PCDH15: variants seen among roughly 807,000 people sequenced by gnomAD.
The protein encoded by PCDH15 is protocadherin related 15, also known as protocadherin-15.
PCDH15 carries 129 observed loss-of-function variants against 178.5 expected under a neutral mutation model. That is an observed-to-expected ratio of 0.72 (90% CI 0.63 to 0.84). The LOEUF (loss-of-function observed/expected upper bound fraction) is 0.84, where lower values mean the gene tolerates loss of function less well. Ranked by LOEUF, PCDH15 falls within the 40% of genes least tolerant of loss-of-function variation. The pLI is 0.00. For missense variants in PCDH15, 2,230 were observed against 2,099.9 expected (o/e 1.06, Z -1.21); for synonymous variants, 800 against 732.0 (o/e 1.09, Z -1.50).
intron 14 of PCDH15, among the ~76,000 whole-genome samples, chr10:54,144,977 A>C (rs1329310996): frequency 1.3e-5 from 2 of 152,100 alleles, no homozygotes; most frequent in Non-Finnish European, 1.5e-5. Flanking sequence ...TGAATATAAA[A>C]CATTTTTGGT....
intron 2 of PCDH15, among the ~76,000 whole-genome samples, chr10:55,112,469 C>T (rs1837533627): frequency 2.0e-5 from 3 of 151,984 alleles, no homozygotes; most frequent in Non-Finnish European, 4.4e-5. Context: ...AAGTTGAATA[C>T]AGGGCAGAAT....
At chr10:54,992,808 T>C (rs903856719) in intron 2 of PCDH15, among the ~76,000 whole-genome samples, 2 of 151,716 alleles carry the variant, frequency 1.3e-5, no homozygotes, top group Admixed American at 6.6e-5. Flanking sequence ...AAATAATAGA[T>C]GGAGAGATTT....
chr10:55,070,629 T>C (rs1427740084), intron 2 of PCDH15, among the ~76,000 whole-genome samples: 1 of 152,280 alleles, frequency 6.6e-6, no homozygotes, highest in East Asian at 1.9e-4. Context: ...TTCTGTTCCA[T>C]TGATCTATAT....
At chr10:55,584,730 C>A in intron 2 of PCDH15, among the ~76,000 whole-genome samples, 1 of 145,744 alleles carries the variant, frequency 6.9e-6, no homozygotes, top group African/African-American at 2.5e-5. Flanking sequence ...AAAATAGATA[C>A]AAGTATGTAG....
chr10:54,200,436 C>G (rs1033333362), intron 10 of PCDH15, among the ~76,000 whole-genome samples: 1 of 151,944 alleles, frequency 6.6e-6, no homozygotes, highest in Non-Finnish European at 1.5e-5. Context: ...CCCCCACCCT[C>G]GACAGGCCCC....
intron 2 of PCDH15, among the ~76,000 whole-genome samples, chr10:55,419,284 G>A (rs1300006038): frequency 6.6e-6 from 1 of 151,788 alleles, no homozygotes; most frequent in East Asian, 1.9e-4. Flanking sequence ...TTCTATGTGG[G>A]ATAATACCAT....
chr10:55,191,760 C>A (rs1001225189), intron 1 of PCDH15, among the ~76,000 whole-genome samples: 13 of 151,828 alleles, frequency 8.6e-5, no homozygotes, highest in African/African-American at 3.1e-4. Context: ...CTTATCTAGT[C>A]AATGGCCAAC....
intron 8 of PCDH15, among the ~76,000 whole-genome samples, chr10:54,284,792 T>C (rs1222812374): frequency 6.6e-6 from 1 of 152,172 alleles, no homozygotes; most frequent in Non-Finnish European, 1.5e-5. Context: ...TGAAGCATTA[T>C]CTAAGACCCT....
chr10:53,822,700 T>C, intron 32 of PCDH15: 1 of 1,614,068 alleles, frequency 6.2e-7, no homozygotes, highest in Middle Eastern at 1.6e-4. Flanking sequence ...CTTGAAACAG[T>C]TGGCAAAGTG....
At chr10:54,603,073 C>T (rs2092607978) in intron 2 of PCDH15, among the ~76,000 whole-genome samples, 1 of 151,984 alleles carries the variant, frequency 6.6e-6, no homozygotes, top group South Asian at 2.1e-4. Flanking sequence ...CAAAGCCATG[C>T]AGTGCTGGAC....
chr10:55,291,124 C>T (rs1842996941), intron 1 of PCDH15, among the ~76,000 whole-genome samples: 1 of 152,104 alleles, frequency 6.6e-6, no homozygotes, highest in Non-Finnish European at 1.5e-5. Flanking sequence ...CGGCCCCTCC[C>T]AAATTTCATG....
At chr10:54,930,701 A>C (rs2131852750) in intron 2 of PCDH15, among the ~76,000 whole-genome samples, 1 of 152,286 alleles carries the variant, frequency 6.6e-6, no homozygotes, top group African/African-American at 2.4e-5. Context: ...TAATGTTTAC[A>C]TATTAACATG....
Position 53,898,169 on chromosome 10 carries a change from G to A in PCDH15, c.3501+5074C>T, listed in dbSNP as rs1361500488. Among the ~76,000 whole-genome samples the A allele has an allele frequency of 3.6e-4, 55 of 151,298 alleles. No individual in the cohort carries two copies. In the East Asian group the frequency reaches 8.6e-3, roughly 24 times the overall value. On this transcript the variant is annotated intron_variant, in intron 26 of 37. Transcript: ENST00000644397. ...TTTTAGTAGAGACGGGGGTTTCACC[G>A]TGTTAGCCAGGATGGTCTGGATCTC... is the stretch of plus-strand genomic sequence containing the variant.
chr10:54,574,402 G>A (rs1181054991), intron 2 of PCDH15, among the ~76,000 whole-genome samples: 32 of 151,628 alleles, frequency 2.1e-4, no homozygotes, highest in African/African-American at 6.8e-4. Context: ...TTTTGGTACC[G>A]GTACCATGCT....
chr10:54,830,129 G>A (rs545815296), intron 3 of PCDH15, among the ~76,000 whole-genome samples: 4 of 152,246 alleles, frequency 2.6e-5, no homozygotes, highest in Non-Finnish European at 5.9e-5. Context: ...AAATGTAACT[G>A]TTGGTGGGAC....
chr10:54,534,733 C>A (rs1205165880), intron 2 of PCDH15, among the ~76,000 whole-genome samples: 1 of 152,178 alleles, frequency 6.6e-6, no homozygotes, highest in Non-Finnish European at 1.5e-5. Context: ...TCATGCTACA[C>A]AAGCATTCTG....
intron 5 of PCDH15, among the ~76,000 whole-genome samples, chr10:54,365,037 C>G (rs559012190): frequency 6.6e-6 from 1 of 152,118 alleles, no homozygotes; most frequent in South Asian, 2.1e-4. Context: ...CTTCCCTTGC[C>G]TCTCTCTGAC....
chr10:54,198,334 G>A (rs1198891073), intron 10 of PCDH15, among the ~76,000 whole-genome samples: 3 of 151,890 alleles, frequency 2.0e-5, no homozygotes, highest in African/African-American at 7.2e-5. Flanking sequence ...AAACTAATTG[G>A]TCCATATGGG....
At chr10:55,345,988 TA>T (rs1300786820) in intron 2 of PCDH15, among the ~76,000 whole-genome samples, 1 of 152,066 alleles carries the variant, frequency 6.6e-6, no homozygotes, top group Non-Finnish European at 1.5e-5. Flanking sequence ...GGATGGTATA[TA>T]AAATAAGATG....
Sources: allele counts gnomAD v4.1 joint callset (sites outside exome capture counted in the v4.1 genomes callset), GRCh38; gene constraint gnomAD v4.1.1; transcripts MANE v1.5; gene names NCBI Gene and HGNC (gene_info 2026-07-23, HGNC 2026-07-21).